MYO9B: variants seen among roughly 807,000 people sequenced by gnomAD.
MYO9B encodes unconventional myosin-IXb.
A neutral mutation model predicts 229.5 loss-of-function variants in MYO9B; 71 were observed. The observed-to-expected ratio is 0.31, with a 90% CI of 0.26 to 0.38. The LOEUF is 0.38. Among genes scored for constraint, MYO9B ranks in the 10% least tolerant of loss-of-function variants. The pLI is 1.00. For synonymous variants in MYO9B, 1,185 were observed against 1,235.8 expected (o/e 0.96, Z 0.86); for missense variants, 2,255 against 2,920.5 (o/e 0.77, Z 5.25).
rs145189631 is a variant in MYO9B at position 17,197,047 on chromosome 19, G to A, written c.4047-745G>A. Among the ~76,000 whole-genome samples, 1,068 of 152,142 alleles carry A rather than the reference G, an allele frequency of 7.0e-3. 13 individuals are homozygous for A. The highest frequency in any genetic ancestry group is 0.012 in the Non-Finnish European group (815 of 67,992). ...TCCCAACACTTTGAGAGGCTGAGGC[G>A]GGTGGATCACCTGAGGTCAGGAGTT... is the stretch of plus-strand genomic sequence containing the variant. On this transcript the variant is annotated intron_variant, in intron 22 of 39. Coordinates refer to ENST00000682292, the MANE Select transcript of MYO9B (RefSeq NM_004145.4).
chr19:17,116,869 A>G (rs1599339566), intron 2 of MYO9B, among the ~76,000 whole-genome samples: 1 of 151,612 alleles, frequency 6.6e-6, no homozygotes, highest in South Asian at 2.1e-4. Flanking sequence ...ATCCCCAGGT[A>G]CTCCCTCGGC....
At chr19:17,174,097 C>T (rs1343958617) in intron 13 of MYO9B, among the ~76,000 whole-genome samples, 1 of 136,676 alleles carries the variant, frequency 7.3e-6, no homozygotes, top group Non-Finnish European at 1.5e-5. Flanking sequence ...GTGGCGCGAT[C>T]TCGGCTACTG....
chr19:17,088,615 C>T (rs187413666), intron 1 of MYO9B, among the ~76,000 whole-genome samples: 56 of 152,244 alleles, frequency 3.7e-4, no homozygotes, highest in Admixed American at 2.6e-3. Context: ...TGTACCAGAC[C>T]GTGGTATGAG....
chr19:17,112,927 G>C (rs987757425), intron 2 of MYO9B, among the ~76,000 whole-genome samples: 1 of 152,234 alleles, frequency 6.6e-6, no homozygotes, highest in African/African-American at 2.4e-5. Flanking sequence ...CCTCTCATTG[G>C]GGGGCATTTC....
intron 2 of MYO9B, among the ~76,000 whole-genome samples, chr19:17,107,275 G>C (rs1032938810): frequency 6.6e-6 from 1 of 152,046 alleles, no homozygotes; most frequent in Non-Finnish European, 1.5e-5. Flanking sequence ...ATGAATGAGA[G>C]GGTAGATCCA....
intron 18 of MYO9B, among the ~76,000 whole-genome samples, chr19:17,187,397 C>G (rs1364003948): frequency 2.0e-5 from 3 of 150,944 alleles, no homozygotes; most frequent in Non-Finnish European, 4.4e-5. Context: ...TGGCAGAGAA[C>G]AGGCCCGGAA....
At chr19:17,192,308 C>G (rs993896545) in intron 20 of MYO9B, among the ~76,000 whole-genome samples, 5 of 148,006 alleles carry the variant, frequency 3.4e-5, no homozygotes, top group Non-Finnish European at 6.0e-5. Context: ...AAAGGGGGGG[C>G]CACAGCCAGG....
chr19:17,122,915 G>A (rs563389331), intron 2 of MYO9B, among the ~76,000 whole-genome samples: 1 of 152,258 alleles, frequency 6.6e-6, no homozygotes, highest in African/African-American at 2.4e-5. Flanking sequence ...ATACAACAAA[G>A]CAAAACCCTG....
At chr19:17,133,265 T>G (rs1291125146) in intron 2 of MYO9B, among the ~76,000 whole-genome samples, 1 of 152,212 alleles carries the variant, frequency 6.6e-6, no homozygotes, top group Non-Finnish European at 1.5e-5. Context: ...TTACCTGACA[T>G]ACTCAACATG....
intron 16 of MYO9B, 88 bp downstream of exon 16, chr19:17,183,956 T>C: frequency 7.7e-7 from 1 of 1,296,058 alleles, no homozygotes. Context: ...TGCAACTTCA[T>C]TTCCTCCTCC....
At chr19:17,168,094 A>C (rs778585900) in intron 11 of MYO9B, 30 bp downstream of exon 11, 58 of 1,609,018 alleles carry the variant, frequency 3.6e-5, no homozygotes, top group Non-Finnish European at 4.9e-5. Flanking sequence ...CCATCCCGGC[A>C]CATCTACGCA....
chr19:17,178,168 C>T (rs185961171), intron 14 of MYO9B, among the ~76,000 whole-genome samples: 1,541 of 152,356 alleles, frequency 0.01, 24 homozygotes, highest in African/African-American at 0.034. Context: ...GGCGACCCCT[C>T]TGTTGCCTTT....
At chr19:17,080,893 TATACTC>T (rs974750276) in intron 1 of MYO9B, among the ~76,000 whole-genome samples, 15 of 151,772 alleles carry the variant, frequency 9.9e-5, no homozygotes, top group African/African-American at 3.4e-4. Context: ...AAATCCCAAA[TATACTC>T]ATACTCTGAA....
intron 2 of MYO9B, among the ~76,000 whole-genome samples, chr19:17,112,976 G>C (rs2057863322): frequency 6.6e-6 from 1 of 152,250 alleles, no homozygotes; most frequent in South Asian, 2.1e-4. Flanking sequence ...GACCGGAGGA[G>C]GCTCAGGGTC....
chr19:17,178,436 C>A, intron 14 of MYO9B: 1 of 146,492 alleles, frequency 6.8e-6, no homozygotes, highest in South Asian at 2.1e-4. Context: ...GACCACACGC[C>A]TACAAGAAAA....
chr19:17,091,328 C>T (rs1568655221), intron 1 of MYO9B, among the ~76,000 whole-genome samples: 1 of 152,356 alleles, frequency 6.6e-6, no homozygotes, highest in East Asian at 1.9e-4. Context: ...TGGGCTCAGG[C>T]AATCCCCCTG....
chr19:17,133,730 A>C (rs1002667924), intron 2 of MYO9B, among the ~76,000 whole-genome samples: 1 of 148,102 alleles, frequency 6.8e-6, no homozygotes, highest in Admixed American at 6.7e-5. Context: ...GGGGGATTAT[A>C]GGCATCAGCC....
intron 4 of MYO9B, among the ~76,000 whole-genome samples, chr19:17,153,377 T>C (rs2072501190): frequency 7.4e-6 from 1 of 135,844 alleles, no homozygotes; most frequent in African/African-American, 2.7e-5. Flanking sequence ...AGAGTCCTTG[T>C]CTCTTTTAAA....
At chr19:17,185,844 T>C (rs922801966) in intron 17 of MYO9B, 77 bp from the exon 18 acceptor site, 6 of 1,173,616 alleles carry the variant, frequency 5.1e-6, no homozygotes, top group African/African-American at 1.5e-5. Context: ...TGCTAGAGTG[T>C]CCCAGGTCTG....
Sources: allele counts gnomAD v4.1 joint callset (sites outside exome capture counted in the v4.1 genomes callset), GRCh38; gene constraint gnomAD v4.1.1; transcripts MANE v1.5; gene names NCBI Gene and HGNC (gene_info 2026-07-23, HGNC 2026-07-21).